The following MTUS2 variants were observed in gnomAD, a reference collection of about 807,000 sequenced individuals.
MTUS2 encodes the protein microtubule-associated tumor suppressor candidate 2.
Under a neutral mutation model 114.1 loss-of-function variants are expected in MTUS2, and 40 were observed. That is an observed-to-expected ratio of 0.35 (90% CI 0.27 to 0.46). The LOEUF (loss-of-function observed/expected upper bound fraction) is 0.46, where lower values mean the gene tolerates loss of function less well. MTUS2 is among the 20% of genes least tolerant of loss of function. The probability of loss-of-function intolerance (pLI) is 1.00; values close to 1 mark genes in which losing one functional copy is unlikely to be tolerated. For missense variants in MTUS2, 1,679 were observed against 1,705.4 expected, an observed-to-expected ratio of 0.98 and a Z score of 0.27; for synonymous variants, 688 against 672.0, an observed-to-expected ratio of 1.02 and a Z score of -0.37.
intron 11 of MTUS2, among the ~76,000 whole-genome samples, chr13:29,489,346 G>A (rs1881885664): frequency 1.3e-5 from 2 of 152,174 alleles, no homozygotes; most frequent in African/African-American, 2.4e-5. Flanking sequence ...TAGCATCAGA[G>A]TTTTTATTAT....
intron 5 of MTUS2, among the ~76,000 whole-genome samples, chr13:29,171,582 A>G (rs1893564635): frequency 6.6e-6 from 1 of 152,230 alleles, no homozygotes; most frequent in Non-Finnish European, 1.5e-5. Context: ...AAGATAAGGC[A>G]TGTAAGTTAC....
At chr13:29,038,158 CT>C (rs1378260493) in intron 4 of MTUS2, among the ~76,000 whole-genome samples, 1 of 152,142 alleles carries the variant, frequency 6.6e-6, no homozygotes, top group Non-Finnish European at 1.5e-5. Context: ...ATTTATCTAC[CT>C]TTGTTATTTG....
At chr13:29,131,299 G>A (rs1891752191) in intron 5 of MTUS2, among the ~76,000 whole-genome samples, 1 of 152,230 alleles carries the variant, frequency 6.6e-6, no homozygotes, top group South Asian at 2.1e-4. Context: ...TTTGGAGATT[G>A]ACAGAACCTT....
At chr13:28,822,284 A>G (rs928763145) in intron 1 of MTUS2, among the ~76,000 whole-genome samples, 2 of 152,192 alleles carry the variant, frequency 1.3e-5, no homozygotes, top group South Asian at 2.1e-4. Context: ...TTGGTACTCC[A>G]TTAAACTCCC....
chr13:29,257,849 G>T (rs1897330747), intron 5 of MTUS2, among the ~76,000 whole-genome samples: 1 of 152,190 alleles, frequency 6.6e-6, no homozygotes, highest in Non-Finnish European at 1.5e-5. Flanking sequence ...TATAGTAGTG[G>T]ATCCATGTGC....
At chr13:29,318,419 C>T (rs1163349782) in intron 6 of MTUS2, among the ~76,000 whole-genome samples, 14 of 82,068 alleles carry the variant, frequency 1.7e-4, no homozygotes, top group Non-Finnish European at 3.1e-4. Context: ...ACAGCCTCGT[C>T]CTCAGAGTGA....
At chr13:29,121,000 C>G (rs1276844327) in intron 5 of MTUS2, among the ~76,000 whole-genome samples, 1 of 152,172 alleles carries the variant, frequency 6.6e-6, no homozygotes, top group Non-Finnish European at 1.5e-5. Flanking sequence ...CACAGCACTC[C>G]CCTAACAAAG....
At chr13:29,250,206 A>G (rs1246993155) in intron 5 of MTUS2, among the ~76,000 whole-genome samples, 1 of 152,150 alleles carries the variant, frequency 6.6e-6, no homozygotes, top group East Asian at 1.9e-4. Flanking sequence ...AACATGTTCA[A>G]GTTGAAATAT....
chr13:28,846,035 A>C (rs1015586808), intron 2 of MTUS2, among the ~76,000 whole-genome samples: 1 of 124,756 alleles, frequency 8.0e-6, no homozygotes, highest in Non-Finnish European at 1.7e-5. Flanking sequence ...ACATATATGC[A>C]GTCTTTTTCT....
At chr13:28,989,963 G>A (rs966527999) in intron 2 of MTUS2, among the ~76,000 whole-genome samples, 5 of 151,838 alleles carry the variant, frequency 3.3e-5, no homozygotes, top group African/African-American at 1.2e-4. Context: ...TTTGGCCTGT[G>A]TGCCTGGCCC....
At chr13:29,200,055 C>T (rs186640925) in intron 5 of MTUS2, among the ~76,000 whole-genome samples, 3 of 151,946 alleles carry the variant, frequency 2.0e-5, no homozygotes, top group South Asian at 2.1e-4. Context: ...CATTTTTTAT[C>T]GTGTCTATTT....
chr13:29,246,015 C>T (rs1896912593), intron 5 of MTUS2, among the ~76,000 whole-genome samples: 1 of 152,148 alleles, frequency 6.6e-6, no homozygotes, highest in African/African-American at 2.4e-5. Context: ...TTTAATATTA[C>T]CTTTCTTCTA....
At chr13:28,924,267 T>C (rs542559643) in intron 2 of MTUS2, among the ~76,000 whole-genome samples, 6 of 152,322 alleles carry the variant, frequency 3.9e-5, no homozygotes, top group Admixed American at 3.9e-4. Context: ...ACTTTTGCTT[T>C]ATTTCCAGGG....
At chr13:28,894,900 A>G (rs1879173321) in intron 2 of MTUS2, among the ~76,000 whole-genome samples, 1 of 152,248 alleles carries the variant, frequency 6.6e-6, no homozygotes, top group South Asian at 2.1e-4. Flanking sequence ...TTGGATGTAT[A>G]GTCAGATTAA....
chr13:29,172,157 G>A (rs1361237345), intron 5 of MTUS2, among the ~76,000 whole-genome samples: 2 of 152,198 alleles, frequency 1.3e-5, no homozygotes, highest in East Asian at 3.8e-4. Context: ...TCTATGTCTG[G>A]AATCTCATGA....
chr13:28,946,272 C>CGTGT (rs58873985), intron 2 of MTUS2, among the ~76,000 whole-genome samples: 22 of 149,226 alleles, frequency 1.5e-4, no homozygotes, highest in East Asian at 4.0e-4. Flanking sequence ...TTTCTGTCTG[C>CGTGT]GTGTGTGTGT....
At chr13:29,454,713 C>T (rs1055607778) in intron 9 of MTUS2, among the ~76,000 whole-genome samples, 3 of 152,190 alleles carry the variant, frequency 2.0e-5, no homozygotes, top group Non-Finnish European at 4.4e-5. Context: ...GGACCAAAGT[C>T]AGTCGTGTGC....
intron 8 of MTUS2, among the ~76,000 whole-genome samples, chr13:29,367,939 C>CG (rs1219443578): frequency 1.3e-5 from 1 of 74,774 alleles, no homozygotes; most frequent in East Asian, 5.1e-4. Flanking sequence ...CTAGAATCTA[C>CG]TTCTTTTTTT....
At chr13:28,961,131 C>CT (rs1883307620) in intron 2 of MTUS2, among the ~76,000 whole-genome samples, 1 of 152,126 alleles carries the variant, frequency 6.6e-6, no homozygotes, top group Non-Finnish European at 1.5e-5. Context: ...CTGTGGGACT[C>CT]TAACAAAAGA....
Sources: gnomAD v4.1 joint callset for allele counts (sites outside exome capture counted in the v4.1 genomes callset) on GRCh38, gnomAD v4.1.1 for gene constraint, MANE v1.5 for transcripts, NCBI Gene and HGNC (gene_info 2026-07-23, HGNC 2026-07-21) for gene names.